Variants in CORO7 observed in about 807,000 individuals in gnomAD.
CORO7 encodes the protein coronin 7.
In CORO7, 107 loss-of-function variants were observed where a neutral mutation model predicts 126.6. The observed-to-expected ratio is 0.85, with a 90% CI of 0.72 to 0.99. The LOEUF (loss-of-function observed/expected upper bound fraction) is 0.99. Among genes scored for constraint, CORO7 ranks in the 50% least tolerant of loss-of-function variants. CORO7 has a pLI of 0.00. For missense variants in CORO7, 1,314 were observed against 1,255.8 expected, an observed-to-expected ratio of 1.05 and a Z score of -0.70; for synonymous variants, 603 against 536.8, an observed-to-expected ratio of 1.12 and a Z score of -1.70.
At chr16:4,413,568 C>CAAA in intron 1 of CORO7, 164 bp from the exon 2 acceptor site, 1 of 607,008 alleles carries the variant, frequency 1.6e-6, no homozygotes, top group Non-Finnish European at 2.8e-6. Flanking sequence ...GACAGGGTCT[C>CAAA]ACTCTGTCAC....
chr16:4,394,462 A>AG (rs1403993888), intron 7 of CORO7, among the ~76,000 whole-genome samples: 18 of 152,040 alleles, frequency 1.2e-4, no homozygotes, highest in Admixed American at 3.3e-4. Flanking sequence ...AAAAAAAAAA[A>AG]AAAAACTCTC....
intron 7 of CORO7, among the ~76,000 whole-genome samples, chr16:4,392,609 A>C (rs2055433730): frequency 6.6e-6 from 1 of 152,126 alleles, no homozygotes; most frequent in Non-Finnish European, 1.5e-5. Context: ...GGTTGGATGG[A>C]GGGCAGGCGG....
intron 6 of CORO7, among the ~76,000 whole-genome samples, chr16:4,400,872 C>A (rs1353317335): frequency 6.6e-6 from 1 of 151,748 alleles, no homozygotes; most frequent in African/African-American, 2.4e-5. Flanking sequence ...ACGTACCACA[C>A]TCACGCAGGA....
At position 4,408,223 on chromosome 16, in the gene CORO7, G is replaced by C. The variant is rs755031061; in HGVS notation, c.261C>G (p.Pro87=). 6 of 1,614,214 alleles carry C rather than the reference G, an allele frequency of 3.7e-6. No homozygotes were observed. The highest frequency in any genetic ancestry group is 3.3e-5 in the South Asian group (3 of 91,080). Residue 87 remains proline (P), a synonymous_variant, in exon 4 of 28, where the codon CCC becomes CCG. Coordinates refer to ENST00000251166, the MANE Select transcript of CORO7 (RefSeq NM_024535.5). ...SDLVTDLDFS[P]FDDFLLATGS... Reference sequence around the variant, plus strand: ...CTGTGGCCAGGAGGAAGTCATCAAAGGGCGAGAAGTCCAAGTCGGTGACTA... The same window carrying C: ...CTGTGGCCAGGAGGAAGTCATCAAACGGCGAGAAGTCCAAGTCGGTGACTA...
At chr16:4,406,799 C>A (rs1010613293) in intron 5 of CORO7, among the ~76,000 whole-genome samples, 2 of 151,814 alleles carry the variant, frequency 1.3e-5, no homozygotes, top group Admixed American at 6.6e-5. Context: ...GCCACCACAC[C>A]CAGCTAAGTT....
At chr16:4,384,600 G>A (rs563479518) in intron 9 of CORO7, among the ~76,000 whole-genome samples, 5 of 152,358 alleles carry the variant, frequency 3.3e-5, no homozygotes, top group South Asian at 4.1e-4. Flanking sequence ...AGCAGGCCCC[G>A]TGGCGCGGGT....
At chr16:4,398,903 G>C (rs1001117602) in intron 6 of CORO7, among the ~76,000 whole-genome samples, 3 of 151,922 alleles carry the variant, frequency 2.0e-5, no homozygotes, top group Non-Finnish European at 4.4e-5. Flanking sequence ...AGGAGGCGGG[G>C]GTTGCAGTGA....
Position 4,407,638 on chromosome 16 carries a change from G to A in CORO7, c.350C>T (p.Ala117Val). Reference protein sequence around the residue: ...LPGPGQALPSAPGVVLGPEDL... With the variant: ...LPGPGQALPSVPGVVLGPEDL... ...CTCGGGGCCCAGCACCACCCCGGGTGCTGAGGGCAGGGCCTGGCCAGGCCC... is the reference window on the plus strand; with the variant it reads ...CTCGGGGCCCAGCACCACCCCGGGTACTGAGGGCAGGGCCTGGCCAGGCCC... Residue 117 changes from alanine to valine, a missense_variant, in exon 5 of 28, where the codon GCA becomes GTA. By Grantham distance (64) the Ala-to-Val change is moderately conservative. Coordinates refer to ENST00000251166, the MANE Select transcript of CORO7 (RefSeq NM_024535.5). The A allele has an allele frequency of 6.2e-7, 1 of 1,610,010 alleles. No individual in the cohort carries two copies. The highest frequency in any genetic ancestry group is 8.5e-7 in the Non-Finnish European group (1 of 1,178,614).
chr16:4,415,253 T>G (rs59709162), intron 1 of CORO7, among the ~76,000 whole-genome samples: 370 of 152,190 alleles, frequency 2.4e-3, no homozygotes, highest in African/African-American at 8.5e-3. Context: ...GACTCATCTG[T>G]CACCATACTG....
intron 10 of CORO7, among the ~76,000 whole-genome samples, chr16:4,365,279 G>A (rs907228880): frequency 2.6e-5 from 4 of 152,182 alleles, no homozygotes; most frequent in Non-Finnish European, 5.9e-5. Context: ...GGGGGTGTAC[G>A]TCAGTATTTA....
intron 7 of CORO7, among the ~76,000 whole-genome samples, chr16:4,391,925 A>C (rs1184876039): frequency 6.6e-6 from 1 of 152,186 alleles, no homozygotes; most frequent in Non-Finnish European, 1.5e-5. Context: ...CAGGGGGTGC[A>C]GGAGGGGAGG....
intron 9 of CORO7, among the ~76,000 whole-genome samples, chr16:4,379,829 G>A (rs558421820): frequency 6.7e-6 from 1 of 150,266 alleles, no homozygotes; most frequent in Admixed American, 6.6e-5. Flanking sequence ...GATCACCTGA[G>A]GTCAGGAGTT....
rs1333405637 is a variant in CORO7, at chr16:4,365,532, G to A, written c.799C>T (p.Leu267=). 13 of 1,581,540 alleles carry A rather than the reference G, an allele frequency of 8.2e-6. No homozygotes were observed. In the Admixed American group the frequency reaches 1.6e-4, roughly 20 times the overall value. The change falls in exon 10 of 28, where the codon CTG becomes TTG. Residue 267 remains leucine, a synonymous_variant. Coordinates refer to ENST00000251166, the MANE Select transcript of CORO7 (RefSeq NM_024535.5). ...LDTSLGCLVP[L]LDPDSGLLVL... Reference sequence around the variant, plus strand: ...AGGAGCCCAGAGTCAGGGTCCAGCAGAGGCACGAGACACCTGGGGAAGAGA... The same window carrying A: ...AGGAGCCCAGAGTCAGGGTCCAGCAAAGGCACGAGACACCTGGGGAAGAGA...
chr16:4,413,190 C>G, intron 2 of CORO7, 118 bp downstream of exon 2: 1 of 1,092,980 alleles, frequency 9.1e-7, no homozygotes, highest in South Asian at 1.6e-5. Context: ...CTGAGCCCCC[C>G]AAAGCAGTTC....
At chr16:4,397,337 G>A (rs1201532538) in intron 6 of CORO7, 1 of 151,968 alleles carries the variant, frequency 6.6e-6, no homozygotes, top group Non-Finnish European at 1.5e-5. Flanking sequence ...CAGCTACTCG[G>A]GAGGCTGAGT....
intron 9 of CORO7, among the ~76,000 whole-genome samples, chr16:4,374,260 C>T (rs537951005): frequency 4.6e-5 from 7 of 152,266 alleles, no homozygotes; most frequent in East Asian, 3.9e-4. Flanking sequence ...TTCCTTTTAT[C>T]GGTTTCCACA....
rs140274177 is a variant in CORO7, at chr16:4,381,025, G to T, written c.785+6961C>A. 69 of 1,610,110 alleles carry T rather than the reference G, an allele frequency of 4.3e-5. No homozygotes were observed. In the African/African-American group the frequency reaches 8.8e-4, roughly 21 times the overall value. ...CCAGGGGACCACGGTGCCCCGAGACGTGCCACCCGACACGGTGGGGCTGTA... is the reference window on the plus strand; with the variant it reads ...CCAGGGGACCACGGTGCCCCGAGACTTGCCACCCGACACGGTGGGGCTGTA... On this transcript the variant is annotated intron_variant, in intron 9 of 27. Coordinates refer to ENST00000251166, the MANE Select transcript of CORO7 (RefSeq NM_024535.5).
rs537529255 is a variant in CORO7, at chr16:4,382,928, G to A, written c.785+5058C>T. The A allele has an allele frequency of 1.2e-4, 172 of 1,466,940 alleles. 1 individual carries two copies. Among genetic ancestry groups the A allele is most frequent in the South Asian group, 1.1e-3 (79 of 69,460 alleles). The allele number at this position is 1,466,940 out of a possible 1,614,324, so 90.9% of individuals were successfully genotyped here. ...AGAGAGAGACAGGGCAGCTGGGGCC[G>A]GGCTCTCAGCCAGTGAGATGGCCAG... On this transcript the variant is annotated intron_variant, in intron 9 of 27. Transcript: ENST00000251166.
Position 4,357,360 on chromosome 16 carries a change from T to C in CORO7, c.2594-101A>G, listed in dbSNP as rs1335127548. The C allele has an allele frequency of 1.7e-3, 2,008 of 1,177,466 alleles. 19 individuals carry two copies. The African/African-American group carries it at 0.029, about 17-fold the overall frequency. The allele number at this position is 1,177,466 out of a possible 1,614,324, so 72.9% of individuals were successfully genotyped here. A position where few individuals can be genotyped will look rare whatever the true frequency, so the allele number is the denominator to read the frequency against. Reference sequence around the variant, plus strand: ...TTTCTTTCTTTTCTTTCTTTCTTTTTTTTTTTTTTTTTTTGAGATGGAGTT... The same window carrying C: ...TTTCTTTCTTTTCTTTCTTTCTTTTCTTTTTTTTTTTTTTGAGATGGAGTT... On this transcript the variant is annotated intron_variant, in intron 25 of 27. Transcript: ENST00000251166.
Sources: gnomAD v4.1 joint callset for allele counts (sites outside exome capture counted in the v4.1 genomes callset) on GRCh38, gnomAD v4.1.1 for gene constraint, MANE v1.5 for transcripts, NCBI Gene and HGNC (gene_info 2026-07-23, HGNC 2026-07-21) for gene names.